The following CCDC148 variants were observed in gnomAD, a reference collection of about 807,000 sequenced individuals.
The protein encoded by CCDC148 is coiled-coil domain-containing protein 148.
In CCDC148, 89 loss-of-function variants were observed where a neutral mutation model predicts 85.7. That is an observed-to-expected ratio of 1.04 (90% CI 0.87 to 1.24). The LOEUF is 1.24. Ranked by LOEUF, CCDC148 falls within the 50% of genes most tolerant of loss-of-function variation. The probability of loss-of-function intolerance (pLI) is 0.00; values close to 1 mark genes in which losing one functional copy is unlikely to be tolerated. For missense variants in CCDC148, 692 were observed against 671.7 expected, an observed-to-expected ratio of 1.03 and a Z score of -0.33; for synonymous variants, 230 against 213.9, an observed-to-expected ratio of 1.08 and a Z score of -0.66.
intron 8 of CCDC148, among the ~76,000 whole-genome samples, chr2:158,311,741 T>G (rs2105211874): frequency 6.6e-6 from 1 of 152,328 alleles, no homozygotes; most frequent in South Asian, 2.1e-4. Context: ...ATTCACAATT[T>G]TACCTTTAAT....
intron 1 of CCDC148, among the ~76,000 whole-genome samples, chr2:158,384,423 A>G (rs1559112187): frequency 6.6e-6 from 1 of 152,138 alleles, no homozygotes; most frequent in Non-Finnish European, 1.5e-5. Flanking sequence ...TTGAATCATC[A>G]GGTGGACTTC....
intron 1 of CCDC148, among the ~76,000 whole-genome samples, chr2:158,420,607 C>G (rs1231650051): frequency 6.6e-6 from 1 of 152,134 alleles, no homozygotes; most frequent in Non-Finnish European, 1.5e-5. Flanking sequence ...TGGAAAAGAA[C>G]AACCAGTACC....
chr2:158,227,473 A>C (rs1209176696), intron 10 of CCDC148, among the ~76,000 whole-genome samples: 1 of 152,158 alleles, frequency 6.6e-6, no homozygotes, highest in Non-Finnish European at 1.5e-5. Flanking sequence ...GTTCATATGG[A>C]ACCAAAAAAG....
At chr2:158,207,263 T>A (rs1184186608) in intron 11 of CCDC148, among the ~76,000 whole-genome samples, 1 of 152,198 alleles carries the variant, frequency 6.6e-6, no homozygotes, top group Non-Finnish European at 1.5e-5. Context: ...AGATAGCCAA[T>A]TGAAGACTCC....
At chr2:158,402,339 C>T in intron 1 of CCDC148, among the ~76,000 whole-genome samples, 1 of 149,610 alleles carries the variant, frequency 6.7e-6, no homozygotes, top group African/African-American at 2.5e-5. Context: ...TTTGTTTTTT[C>T]TTTATAATTT....
intron 1 of CCDC148, among the ~76,000 whole-genome samples, chr2:158,408,239 G>A (rs1686108655): frequency 6.6e-6 from 1 of 151,912 alleles, no homozygotes; most frequent in Non-Finnish European, 1.5e-5. Flanking sequence ...TTTCTGTGGT[G>A]AGAACACTTA....
chr2:158,176,406 T>C, intron 13 of CCDC148, 115 bp downstream of exon 13: 3 of 957,022 alleles, frequency 3.1e-6, no homozygotes, highest in Non-Finnish European at 4.5e-6. Context: ...ATTATGCTAA[T>C]ATGTAAGATA....
intron 1 of CCDC148, among the ~76,000 whole-genome samples, chr2:158,448,338 C>A (rs1301446072): frequency 1.3e-5 from 2 of 148,602 alleles, no homozygotes; most frequent in Non-Finnish European, 3.0e-5. Flanking sequence ...ATATGTATTT[C>A]CATTTTATTT....
intron 1 of CCDC148, among the ~76,000 whole-genome samples, chr2:158,432,167 A>G (rs981820759): frequency 4.6e-5 from 7 of 152,092 alleles, no homozygotes; most frequent in African/African-American, 1.7e-4. Context: ...GTACAGATAA[A>G]GTAGAATAAA....
In CCDC148 at chr2:158,279,860, T is replaced by A. The variant is rs1437352667; in HGVS notation, c.1111-28948A>T. Among the ~76,000 whole-genome samples the A allele has an allele frequency of 7.3e-5, 11 of 151,488 alleles. No homozygotes were observed. The East Asian group carries it at 2.1e-3, about 29-fold the overall frequency. On this transcript the variant is annotated intron_variant, in intron 9 of 13. Transcript: ENST00000283233. ...AAAGTTGAAATGAAGGAAAAAATGT[T>A]AAGGGCAGCCAGAGAGAAAGGTCGG...
At chr2:158,445,216 T>C (rs1479906496) in intron 1 of CCDC148, among the ~76,000 whole-genome samples, 1 of 152,198 alleles carries the variant, frequency 6.6e-6, no homozygotes, top group African/African-American at 2.4e-5. Context: ...ATTTTAAAAA[T>C]CAAGTTTTCA....
intron 7 of CCDC148, among the ~76,000 whole-genome samples, chr2:158,331,525 G>A (rs1368025569): frequency 1.3e-5 from 2 of 152,110 alleles, no homozygotes; most frequent in East Asian, 1.9e-4. Flanking sequence ...TATTATGTCC[G>A]CTTGGTGCAG....
At chr2:158,212,002 T>C (rs1686605207) in intron 11 of CCDC148, among the ~76,000 whole-genome samples, 1 of 152,244 alleles carries the variant, frequency 6.6e-6, no homozygotes. Context: ...TTTGTTATAC[T>C]GAGAAGCAGG....
intron 1 of CCDC148, among the ~76,000 whole-genome samples, chr2:158,376,432 C>T (rs1574718037): frequency 6.6e-6 from 1 of 152,156 alleles, no homozygotes; most frequent in East Asian, 1.9e-4. Context: ...TAAAATGTTA[C>T]ACAAAGGGTA....
rs868556073 is a variant in CCDC148, at chr2:158,176,542, C to T, written c.1608G>A (p.Leu536=). The T allele has an allele frequency of 6.2e-7, 1 of 1,611,700 alleles. No individual in the cohort carries two copies. Among genetic ancestry groups the T allele is most frequent in the Non-Finnish European group, 8.5e-7 (1 of 1,178,724 alleles). ...TTACCTGCTGTTCATTGTATGTATT[C>T]AATGTGAAGAGTGGCTTTTGAAGAA... ...EFILQKPLFT[L]NTYNEQQIIS... Residue 536 remains leucine, a synonymous_variant, in exon 13 of 14, where the codon TTG becomes TTA. Coordinates refer to ENST00000283233, the MANE Select transcript of CCDC148 (RefSeq NM_138803.4).
chr2:158,217,370 G>GTATATATATA (rs1453254522), intron 11 of CCDC148, among the ~76,000 whole-genome samples: 17 of 75,518 alleles, frequency 2.3e-4, no homozygotes, highest in African/African-American at 6.6e-4. Context: ...TTTTGTGTGT[G>GTATATATATA]TGTGTATATA....
intron 1 of CCDC148, among the ~76,000 whole-genome samples, chr2:158,422,119 C>A (rs1449496671): frequency 6.6e-6 from 1 of 152,056 alleles, no homozygotes; most frequent in Non-Finnish European, 1.5e-5. Context: ...CAAAAAAAGT[C>A]CAGGACCAAA....
chr2:158,314,602 T>G (rs1692193531), intron 7 of CCDC148, among the ~76,000 whole-genome samples: 1 of 152,204 alleles, frequency 6.6e-6, no homozygotes, highest in South Asian at 2.1e-4. Context: ...TTGCATTCTT[T>G]CTAGACTATT....
At chr2:158,447,094 T>G (rs558565336) in intron 1 of CCDC148, 1 of 152,330 alleles carries the variant, frequency 6.6e-6, no homozygotes, top group South Asian at 2.1e-4. Context: ...ACATATTTAT[T>G]TCTATTGAAG....
Sources: allele counts gnomAD v4.1 joint callset (sites outside exome capture counted in the v4.1 genomes callset), GRCh38; gene constraint gnomAD v4.1.1; transcripts MANE v1.5; gene names NCBI Gene and HGNC (gene_info 2026-07-23, HGNC 2026-07-21).